The following IFT80 variants were observed in gnomAD, a reference collection of about 807,000 sequenced individuals.
The protein encoded by IFT80 is intraflagellar transport 80.
Under a neutral mutation model 107.9 loss-of-function variants are expected in IFT80, and 79 were observed. The observed-to-expected ratio is 0.73, with a 90% CI of 0.61 to 0.88. The LOEUF is 0.88. IFT80 is among the 40% of genes least tolerant of loss of function. IFT80 has a pLI of 0.00. For missense variants in IFT80, 797 were observed against 914.2 expected (o/e 0.87, Z 1.65); for synonymous variants, 299 against 300.9 (o/e 0.99, Z 0.07).
At chr3:160,324,459 G>T (rs1254943820) in intron 8 of IFT80, among the ~76,000 whole-genome samples, 1 of 152,118 alleles carries the variant, frequency 6.6e-6, no homozygotes, top group East Asian at 1.9e-4. Flanking sequence ...TCTCTGGGAT[G>T]CAAGGCTGGT....
chr3:160,324,745 C>T (rs1259360364), intron 8 of IFT80, among the ~76,000 whole-genome samples: 1 of 152,170 alleles, frequency 6.6e-6, no homozygotes, highest in African/African-American at 2.4e-5. Flanking sequence ...TCTCTCACCA[C>T]TCCTATTCAA....
At chr3:160,350,929 T>TA (rs1720650886) in intron 8 of IFT80, among the ~76,000 whole-genome samples, 1 of 152,148 alleles carries the variant, frequency 6.6e-6, no homozygotes, top group Admixed American at 6.6e-5. Flanking sequence ...GAAAGAAGGC[T>TA]GAATTACATG....
chr3:160,279,142 G>A (rs755211694), intron 16 of IFT80, 51 bp downstream of exon 16: 12 of 1,457,788 alleles, frequency 8.2e-6, no homozygotes, highest in Non-Finnish European at 9.4e-7. Flanking sequence ...TTGCACAAAG[G>A]TAAACTACTA....
At chr3:160,358,230 C>A (rs531775100) in intron 6 of IFT80, among the ~76,000 whole-genome samples, 4 of 151,110 alleles carry the variant, frequency 2.6e-5, no homozygotes, top group Admixed American at 2.6e-4. Context: ...CTAGGCTAGT[C>A]TCAAGCTCCT....
At position 160,261,651 on chromosome 3, in the gene IFT80, T is replaced by A. The variant is rs998922164; in HGVS notation, c.2224-3016A>T. On this transcript the variant is annotated intron_variant, in intron 19 of 19. Coordinates refer to ENST00000326448, the MANE Select transcript of IFT80 (RefSeq NM_020800.3). ...CCTGTCTATACAAAAAAATAAAAAA[T>A]TTAGCTGGGCTTGGTGGCATTCATC... 4.7e-5 allele frequency among the ~76,000 whole-genome samples: 7 copies of A among 149,526 alleles called. No homozygotes were observed. The South Asian group carries it at 1.3e-3, about 28-fold the overall frequency.
At chr3:160,334,411 A>G (rs1719309484) in intron 8 of IFT80, among the ~76,000 whole-genome samples, 1 of 149,376 alleles carries the variant, frequency 6.7e-6, no homozygotes, top group Non-Finnish European at 1.5e-5. Context: ...ACTAAATATG[A>G]TGCTCAAATT....
At chr3:160,258,770 T>C in intron 19 of IFT80, 135 bp from the exon 20 acceptor site, 1 of 1,204,296 alleles carries the variant, frequency 8.3e-7, no homozygotes, top group South Asian at 1.4e-5. Flanking sequence ...ATCAAAAGAT[T>C]AGAGAAAAAG....
intron 12 of IFT80, among the ~76,000 whole-genome samples, chr3:160,290,709 T>C (rs1414809206): frequency 6.6e-6 from 1 of 152,066 alleles, no homozygotes; most frequent in African/African-American, 2.4e-5. Flanking sequence ...CCCTCCCGAA[T>C]AGCTGGGATG....
At chr3:160,299,049 A>C in intron 12 of IFT80, 1 of 864,654 alleles carries the variant, frequency 1.2e-6, no homozygotes, top group Non-Finnish European at 1.4e-6. Context: ...TGTGGTGTTG[A>C]ATAAGGAAAG....
At chr3:160,279,084 T>A (rs1714489090) in intron 16 of IFT80, 109 bp downstream of exon 16, 2 of 808,142 alleles carry the variant, frequency 2.5e-6, no homozygotes, top group Non-Finnish European at 4.1e-6. Flanking sequence ...AAAGACATGA[T>A]CTTATTCACA....
At chr3:160,277,226 A>G (rs2108225783) in intron 18 of IFT80, 80 bp downstream of exon 18, 1 of 1,207,336 alleles carries the variant, frequency 8.3e-7, no homozygotes, top group East Asian at 2.3e-5. Flanking sequence ...ATAGTGGAAA[A>G]TGTAATTTAC....
chr3:160,289,813 G>C (rs764693537), intron 12 of IFT80, among the ~76,000 whole-genome samples: 17 of 152,120 alleles, frequency 1.1e-4, no homozygotes, highest in Non-Finnish European at 2.1e-4. Flanking sequence ...TCTGAGCTGG[G>C]GACCCAACAC....
chr3:160,262,307 A>C (rs1712915867), intron 19 of IFT80, among the ~76,000 whole-genome samples: 1 of 152,188 alleles, frequency 6.6e-6, no homozygotes, highest in Non-Finnish European at 1.5e-5. Flanking sequence ...TTAGGCTTCC[A>C]GAGATTGGAA....
chr3:160,300,700 A>G (rs1458081469), intron 12 of IFT80, among the ~76,000 whole-genome samples, 183 bp downstream of exon 12: 1 of 152,114 alleles, frequency 6.6e-6, no homozygotes, highest in Non-Finnish European at 1.5e-5. Context: ...TATTAACTGG[A>G]TATAGTATGA....
intron 19 of IFT80, among the ~76,000 whole-genome samples, chr3:160,263,465 C>A (rs1045371059): frequency 6.6e-6 from 1 of 152,096 alleles, no homozygotes; most frequent in African/African-American, 2.4e-5. Context: ...GTATTAAGAC[C>A]TTTCAATGAC....
intron 5 of IFT80, among the ~76,000 whole-genome samples, chr3:160,371,995 A>G (rs1025037898): frequency 1.3e-5 from 2 of 152,206 alleles, no homozygotes; most frequent in Non-Finnish European, 2.9e-5. Context: ...CATAAATACC[A>G]GTAAGAATCA....
intron 8 of IFT80, among the ~76,000 whole-genome samples, chr3:160,329,948 C>T (rs1237536873): frequency 1.3e-5 from 2 of 151,996 alleles, no homozygotes; most frequent in Non-Finnish European, 2.9e-5. Context: ...TTTCTTTGAC[C>T]AGACTCTCAC....
chr3:160,299,566 GCTC>G (rs1488311360), intron 12 of IFT80, among the ~76,000 whole-genome samples: 1 of 151,948 alleles, frequency 6.6e-6, no homozygotes, highest in Non-Finnish European at 1.5e-5. Context: ...TACCTCACTG[GCTC>G]CTCTTCCTTT....
At chr3:160,362,111 C>T (rs978451750) in intron 6 of IFT80, among the ~76,000 whole-genome samples, 1 of 152,160 alleles carries the variant, frequency 6.6e-6, no homozygotes, top group Non-Finnish European at 1.5e-5. Context: ...AAAAGATCCA[C>T]AAAATTGATA....
Sources: allele counts gnomAD v4.1 joint callset (sites outside exome capture counted in the v4.1 genomes callset), GRCh38; gene constraint gnomAD v4.1.1; transcripts MANE v1.5; gene names NCBI Gene and HGNC (gene_info 2026-07-23, HGNC 2026-07-21).